The following ORC2 variants were observed in gnomAD, a reference collection of about 807,000 sequenced individuals.
ORC2 encodes the protein origin recognition complex protein 2 homolog.
A neutral mutation model predicts 77.7 loss-of-function variants in ORC2; 37 were observed. The observed-to-expected ratio is 0.48, with a 90% CI of 0.37 to 0.63. ORC2 has a LOEUF of 0.63. Ranked by LOEUF, ORC2 falls within the 20% of genes least tolerant of loss-of-function variation. The probability of loss-of-function intolerance (pLI) is 0.00; values close to 1 mark genes in which losing one functional copy is unlikely to be tolerated. For missense variants in ORC2, 557 were observed against 661.9 expected (o/e 0.84, Z 1.74); for synonymous variants, 201 against 229.5 (o/e 0.88, Z 1.12).
At chr2:200,960,541 A>G (rs16836279) in intron 1 of ORC2, among the ~76,000 whole-genome samples, 6,534 of 152,086 alleles carry the variant, frequency 0.043, 470 homozygotes, top group African/African-American at 0.15. Flanking sequence ...CAGGTTTTTT[A>G]AGGGGCTGTT....
At chr2:200,913,805 A>C in intron 16 of ORC2, 126 bp downstream of exon 16, 1 of 1,424,390 alleles carries the variant, frequency 7.0e-7, no homozygotes, top group Non-Finnish European at 9.2e-7. Flanking sequence ...TGGCAGACAT[A>C]CCCATCATGA....
intron 5 of ORC2, among the ~76,000 whole-genome samples, chr2:200,943,432 T>TA (rs1253153926): frequency 1.3e-5 from 2 of 151,928 alleles, no homozygotes; most frequent in East Asian, 1.9e-4. Context: ...CCATTTTAAA[T>TA]AAAAAAATAT....
At chr2:200,913,775 CT>C in intron 16 of ORC2, 155 bp downstream of exon 16, 1 of 1,408,466 alleles carries the variant, frequency 7.1e-7, no homozygotes, top group South Asian at 1.8e-5. Context: ...ATCTGTAGAG[CT>C]GCTTGAAAAT....
At chr2:200,930,862 AAAT>A (rs1240777565) in intron 11 of ORC2, among the ~76,000 whole-genome samples, 2 of 152,194 alleles carry the variant, frequency 1.3e-5, no homozygotes, top group Non-Finnish European at 2.9e-5. Flanking sequence ...ATATTCTAGG[AAAT>A]AATGTTAAAA....
intron 1 of ORC2, among the ~76,000 whole-genome samples, chr2:200,959,986 T>G (rs1308226747): frequency 1.3e-5 from 2 of 151,960 alleles, no homozygotes; most frequent in Non-Finnish European, 2.9e-5. Context: ...TCTCTAATTT[T>G]TTTTTCTTTT....
intron 10 of ORC2, among the ~76,000 whole-genome samples, chr2:200,932,981 C>T (rs16835927): frequency 1.2e-4 from 18 of 152,206 alleles, no homozygotes; most frequent in Non-Finnish European, 2.4e-4. Context: ...GTCTCCCTCA[C>T]TGACAGGTGT....
At chr2:200,953,022 G>A (rs1234677436) in intron 4 of ORC2, among the ~76,000 whole-genome samples, 1 of 150,848 alleles carries the variant, frequency 6.6e-6, no homozygotes, top group Admixed American at 6.6e-5. Flanking sequence ...TTAGGTGGGA[G>A]GATCACCTGA....
chr2:200,935,897 G>A lies in ORC2; in HGVS notation c.515-5C>T, dbSNP rs774583051. 5 of 1,607,188 alleles carry A rather than the reference G, an allele frequency of 3.1e-6. No homozygotes were observed. Among genetic ancestry groups the A allele is most frequent in the Non-Finnish European group, 3.4e-6 (4 of 1,177,386 alleles). ...TGTCAGAATGAGACCTTGGAACTGT[G>A]GGGGGAAAAATAGCAATTTGGACAA... is the stretch of plus-strand genomic sequence containing the variant. On this transcript the variant is annotated splice_region_variant and splice_polypyrimidine_tract_variant and intron_variant, in intron 8 of 17. Transcript: ENST00000234296.
intron 17 of ORC2, 59 bp from the exon 18 acceptor site, chr2:200,911,446 T>C (rs1052182597): frequency 3.7e-5 from 33 of 898,708 alleles, no homozygotes; most frequent in Non-Finnish European, 5.5e-5. Context: ...TGAACTCTTC[T>C]ATTGTAGAGG....
chr2:200,959,837 G>A (rs1159434656), intron 1 of ORC2, among the ~76,000 whole-genome samples: 2 of 152,018 alleles, frequency 1.3e-5, no homozygotes, highest in African/African-American at 4.8e-5. Context: ...GGCTGAGGCA[G>A]GGGGATCCCT....
At chr2:200,923,779 C>T (rs192647456) in intron 13 of ORC2, among the ~76,000 whole-genome samples, 1 of 152,080 alleles carries the variant, frequency 6.6e-6, no homozygotes, top group East Asian at 1.9e-4. Context: ...ATGTGAAAAA[C>T]GTAGCACTGA....
rs368747232 is a variant in ORC2, at chr2:200,920,314, G to C, written c.1374C>G (p.Thr458=). 6.2e-7 allele frequency: 1 copy of C among 1,613,388 alleles called. No homozygotes were observed. Among genetic ancestry groups the C allele is most frequent in the African/African-American group, 1.3e-5 (1 of 74,874 alleles). ...TTTYSPYTEE[T]SYENSLLVKQ... is the part of the protein sequence containing the mutation. ...TTACCAGAAGAGAGTTCTCATAGGA[G>C]GTTTCTTCAGTATAAGGACTGTATG... Residue 458 remains threonine, a synonymous_variant, in exon 15 of 18, where the codon ACC becomes ACG. Transcript: ENST00000234296.
chr2:200,949,626 A>G lies in ORC2; in HGVS notation c.256T>C (p.Ser86Pro), dbSNP rs765556659. Residue 86 changes from serine (S) to proline (P), a missense_variant, in exon 5 of 18, where the codon TCT (serine) becomes CCT (proline). Transcript: ENST00000234296. ...ACTTTATTTCCACCACCTGTAGCAG[A>G]GCCATTTTTCAATGATTCTGAAAGA... The part of the protein sequence containing the change: ...RDVQESLKNG[S>P]ATGGGNKVYS... 4 of 1,595,518 alleles carry G rather than the reference A, an allele frequency of 2.5e-6. No homozygotes were observed. The Admixed American group carries it at 5.1e-5, about 20-fold the overall frequency.
Position 200,931,424 on chromosome 2 carries a change from T to C in ORC2, c.832A>G (p.Lys278Glu), listed in dbSNP as rs1486081107. The C allele has an allele frequency of 1.3e-6, 2 of 1,552,164 alleles. No homozygotes were observed. Among genetic ancestry groups the C allele is most frequent in the African/African-American group, 2.8e-5 (2 of 70,358 alleles). ...DQQTLRNLLSKVSPSFSAELK... is the reference protein window; with the variant it reads ...DQQTLRNLLSEVSPSFSAELK... ...TCGGCAGAAAAGGAAGGGGAAACCT[T>C]GCTCAATAAGTTACGCAAAGTTTGC... The change falls in exon 11 of 18, where the codon AAG (lysine) becomes GAG (glutamate). Residue 278 changes from lysine (K) to glutamate (E), a missense_variant. Lys to Glu is a moderately conservative substitution (Grantham distance 56). Coordinates refer to ENST00000234296, the MANE Select transcript of ORC2 (RefSeq NM_006190.5).
At chr2:200,914,968 TACC>T (rs1447815389) in intron 15 of ORC2, among the ~76,000 whole-genome samples, 3 of 150,214 alleles carry the variant, frequency 2.0e-5, no homozygotes, top group African/African-American at 7.3e-5. Context: ...TACCACTTTA[TACC>T]TTGCTTCTTC....
intron 4 of ORC2, among the ~76,000 whole-genome samples, chr2:200,955,724 A>C (rs1459240023): frequency 6.6e-6 from 1 of 152,230 alleles, no homozygotes; most frequent in African/African-American, 2.4e-5. Flanking sequence ...ACAGTTCCTC[A>C]GTTTTTAACA....
chr2:200,922,886 C>A (rs1475750581), intron 13 of ORC2, among the ~76,000 whole-genome samples: 2 of 152,046 alleles, frequency 1.3e-5, no homozygotes, highest in Non-Finnish European at 2.9e-5. Context: ...ATGTTGAAAA[C>A]TAAAGACAAT....
intron 9 of ORC2, among the ~76,000 whole-genome samples, chr2:200,934,837 G>A (rs2041007367): frequency 6.6e-6 from 1 of 152,158 alleles, no homozygotes; most frequent in African/African-American, 2.4e-5. Flanking sequence ...GTAAGGAAGG[G>A]ACAGAAAGCT....
Position 200,920,212 on chromosome 2 carries a change from T to C in ORC2, c.1466+10A>G, listed in dbSNP as rs180901988. ...AGTTTTTAAAAAAGAAATATGGTTTTCATCCTTACCTTGCATTAGGGGTAA... is the reference window on the plus strand; with the variant it reads ...AGTTTTTAAAAAAGAAATATGGTTTCCATCCTTACCTTGCATTAGGGGTAA... On this transcript the variant is annotated intron_variant, in intron 15 of 17. Coordinates refer to ENST00000234296, the MANE Select transcript of ORC2 (RefSeq NM_006190.5). 4 of 1,602,732 alleles carry C rather than the reference T, an allele frequency of 2.5e-6. No homozygotes were observed. In the African/African-American group the frequency reaches 5.4e-5, roughly 22 times the overall value.
Sources: allele counts gnomAD v4.1 joint callset (sites outside exome capture counted in the v4.1 genomes callset), GRCh38; gene constraint gnomAD v4.1.1; transcripts MANE v1.5; gene names NCBI Gene and HGNC (gene_info 2026-07-23, HGNC 2026-07-21).